The following PPP6R2 variants were observed in gnomAD, a reference collection of about 807,000 sequenced individuals.
PPP6R2 encodes protein phosphatase 6 regulatory subunit 2.
In PPP6R2, 62 loss-of-function variants were observed where a neutral mutation model predicts 100.2. The ratio of observed to expected loss-of-function variants is 0.62; its 90% CI spans 0.50 to 0.76. The LOEUF is 0.76. PPP6R2 is among the 30% of genes least tolerant of loss of function. The pLI, the probability that PPP6R2 is intolerant of heterozygous loss-of-function variation, is 0.00. For missense variants in PPP6R2, 1,142 were observed against 1,276.3 expected (o/e 0.89, Z 1.60); for synonymous variants, 525 against 514.7 (o/e 1.02, Z -0.27).
upstream of PPP6R2, among the ~76,000 whole-genome samples, chr22:50,341,472 G>C (rs1023103674): frequency 2.0e-5 from 3 of 152,126 alleles, no homozygotes; most frequent in Non-Finnish European, 4.4e-5. Context: ...CTGAAGTGCT[G>C]GGATTACAGG....
chr22:50,347,123 G>T (rs576969517), intron 1 of PPP6R2, among the ~76,000 whole-genome samples: 1 of 151,572 alleles, frequency 6.6e-6, no homozygotes, highest in African/African-American at 2.4e-5. Flanking sequence ...CTTTGCTATC[G>T]GCCTCTGTGT....
chr22:50,418,979 C>T lies in PPP6R2; in HGVS notation c.731C>T (p.Ser244Leu), dbSNP rs140651411. Residue 244 changes from serine to leucine, a missense_variant and splice_region_variant, in exon 7 of 24, where the codon TCG (serine) becomes TTG (leucine). Around this residue, in one of 2 missense-constraint regions of PPP6R2, gnomAD observed 592 missense variants for 758.9 expected, o/e 0.78. Transcript: ENST00000612753. ...GACCCGCTCCTCACAGCGCTGGAGT[C>T]GTGAGTGCTGGTGGGCCGTGGTGCT... is the stretch of plus-strand genomic sequence containing the variant. ...EPDPLLTALESQDCVEQLLKN... is the reference protein window; with the variant it reads ...EPDPLLTALELQDCVEQLLKN... 6.2e-7 allele frequency: 1 copy of T among 1,610,728 alleles called. No individual in the cohort carries two copies. The highest frequency in any genetic ancestry group is 8.5e-7 in the Non-Finnish European group (1 of 1,176,980).
chr22:50,412,349 G>A (rs1056651719), intron 4 of PPP6R2, among the ~76,000 whole-genome samples: 2 of 151,224 alleles, frequency 1.3e-5, no homozygotes, highest in African/African-American at 4.9e-5. Flanking sequence ...CCACCACCAC[G>A]TCTTGCTAAT....
chr22:50,333,813 C>G, the PPP6R2 span, among the ~76,000 whole-genome samples: 6 of 152,140 alleles, frequency 3.9e-5, no homozygotes, highest in East Asian at 1.2e-3. Context: ...ACATGGAGAC[C>G]GGTAGTGGCC....
intron 6 of PPP6R2, among the ~76,000 whole-genome samples, chr22:50,417,496 G>A (rs1261771228): frequency 6.6e-6 from 1 of 152,142 alleles, no homozygotes; most frequent in African/African-American, 2.4e-5. Flanking sequence ...ATCCCAGTAG[G>A]CCTTTTCCTA....
intron 3 of PPP6R2, among the ~76,000 whole-genome samples, chr22:50,402,016 C>T (rs963797819): frequency 2.0e-5 from 3 of 152,176 alleles, no homozygotes; most frequent in Non-Finnish European, 4.4e-5. Context: ...GATACACAGT[C>T]TTAATGTGTC....
intron 2 of PPP6R2, among the ~76,000 whole-genome samples, chr22:50,379,284 C>T (rs1397073697): frequency 2.0e-5 from 3 of 151,982 alleles, no homozygotes; most frequent in Admixed American, 2.0e-4. Flanking sequence ...TTGCTTGAGT[C>T]CAGAAGCTTG....
In PPP6R2 at chr22:50,370,509, G is replaced by A. The variant is rs187467394; in HGVS notation, c.-147-1511G>A. ...TCACTATGTTGGCCAGACTGGTCTC[G>A]AATGCCTGACCTCGTGATCCACCCG... is the stretch of plus-strand genomic sequence containing the variant. On this transcript the variant is annotated intron_variant, in intron 1 of 23. Coordinates refer to ENST00000612753, the MANE Select transcript of PPP6R2 (RefSeq NM_001242898.2). 7.3e-3 allele frequency among the ~76,000 whole-genome samples: 1,103 copies of A among 151,840 alleles called. 5 individuals carry two copies. The highest frequency in any genetic ancestry group is 0.011 in the Non-Finnish European group (728 of 67,928).
chr22:50,347,007 TGTCAGTGCCCCCC>T lies in PPP6R2; in HGVS notation c.-148+3458_-148+3470del, dbSNP rs1324487341. 4.7e-5 allele frequency among the ~76,000 whole-genome samples: 7 copies of T among 150,140 alleles called. No homozygotes were observed. In the East Asian group the frequency reaches 1.4e-3, roughly 30 times the overall value. ...GTCCCCACCTGTCATTGATCTTCTC[TGTCAGTGCCCCCC>T]ATCAGTGCCAGTGCCTCTGTCAGTG... On this transcript the variant is annotated intron_variant, in intron 1 of 23. Transcript: ENST00000612753.
intron 15 of PPP6R2, 89 bp downstream of exon 15, chr22:50,437,157 A>G (rs2064501263): frequency 7.8e-7 from 1 of 1,278,018 alleles, no homozygotes; most frequent in African/African-American, 1.5e-5. Flanking sequence ...GTCTGATGGC[A>G]TCTCACTAGC....
chr22:50,369,887 A>T (rs1047049943), intron 1 of PPP6R2, among the ~76,000 whole-genome samples: 4 of 145,424 alleles, frequency 2.8e-5, no homozygotes, highest in Admixed American at 1.4e-4. Flanking sequence ...GGTGTGTGCC[A>T]CCACACCCAG....
rs1385608587 is a variant in PPP6R2, at chr22:50,431,070, G to A, written c.1126-103G>A. The A allele has an allele frequency of 2.4e-5, 22 of 902,974 alleles. No homozygotes were observed. The Admixed American group carries it at 3.2e-4, about 13-fold the overall frequency. The allele number at this position is 902,974 out of a possible 1,614,324, so 55.9% of individuals were successfully genotyped here. On this transcript the variant is annotated intron_variant, in intron 10 of 23. Coordinates refer to ENST00000612753, the MANE Select transcript of PPP6R2 (RefSeq NM_001242898.2). This position sits in a 1 kb window ranked among gnomAD's most constrained non-coding sequence, Gnocchi z 4.8. The stretch of plus-strand genomic sequence containing the variant: ...AGCTACCCAGAGACTGGACTTGTGA[G>A]GAGTTAGGACGCCACCTTTAGGAAG...
In PPP6R2 at chr22:50,444,368, T is replaced by C. The variant is rs1050315679; in HGVS notation, c.*121T>C. ...TTTAATTTTAAAATAAATGCTGCAT[T>C]GGTAAAGCTGGCAGTTGAAACCAGT... is the stretch of plus-strand genomic sequence containing the variant. On this transcript the variant is annotated 3_prime_UTR_variant, in exon 24 of 24. Transcript: ENST00000612753. 28 of 1,288,680 alleles carry C rather than the reference T, an allele frequency of 2.2e-5. No individual in the cohort carries two copies. The African/African-American group carries it at 3.9e-4, about 18-fold the overall frequency. 79.8% of individuals were successfully genotyped at this position (1,288,680 alleles called of 1,614,324 possible). A position where few individuals can be genotyped will look rare whatever the true frequency, so the allele number is the denominator to read the frequency against.
rs115323460 is a variant in PPP6R2, at chr22:50,348,732, T to G, written c.-148+5182T>G. ...CCAAGCCGCAGGTATACAACTGTCA[T>G]CATGGGGGCAAGGTATAAAGCCTTG... On this transcript the variant is annotated intron_variant, in intron 1 of 23. Transcript: ENST00000612753. Among the ~76,000 whole-genome samples the G allele has an allele frequency of 8.7e-3, 1,329 of 152,190 alleles. 26 individuals are homozygous for G. Among genetic ancestry groups the G allele is most frequent in the African/African-American group, 0.03 (1,259 of 41,512 alleles).
chr22:50,424,705 T>C (rs11091016), intron 10 of PPP6R2, among the ~76,000 whole-genome samples: 55,439 of 148,138 alleles, frequency 0.37, 10,799 homozygotes, highest in East Asian at 0.67. Flanking sequence ...TGGCGGGACC[T>C]TGGCTCACTG....
intron 2 of PPP6R2, among the ~76,000 whole-genome samples, chr22:50,384,572 G>T (rs189268178): frequency 2.6e-5 from 4 of 152,162 alleles, no homozygotes; most frequent in Admixed American, 6.5e-5. Context: ...GAAAAGAAAA[G>T]AAATTTATTT....
At chr22:50,338,087 AGTGTGTGTG>A in the PPP6R2 span, among the ~76,000 whole-genome samples, 7 of 65,874 alleles carry the variant, frequency 1.1e-4, no homozygotes, top group South Asian at 3.5e-3. Context: ...TGTGATGTGT[AGTGTGTGTG>A]GTGTGTGGTA....
chr22:50,347,253 T>C (rs1601977433), intron 1 of PPP6R2, among the ~76,000 whole-genome samples: 1 of 152,036 alleles, frequency 6.6e-6, no homozygotes, highest in African/African-American at 2.4e-5. Flanking sequence ...CTGCTGTTAG[T>C]GACCCCACCT....
At chr22:50,407,051 G>T (rs1457578210) in intron 4 of PPP6R2, among the ~76,000 whole-genome samples, 176 bp downstream of exon 4, 6 of 152,112 alleles carry the variant, frequency 3.9e-5, no homozygotes. Flanking sequence ...GCTGGAATTT[G>T]AAAGAGTGTT....
Sources: allele counts gnomAD v4.1 joint callset (sites outside exome capture counted in the v4.1 genomes callset), GRCh38; gene constraint gnomAD v4.1.1; regional missense constraint gnomAD v4.1.1; non-coding constraint Gnocchi (gnomAD v3.1); transcripts MANE v1.5; gene names NCBI Gene and HGNC (gene_info 2026-07-23, HGNC 2026-07-21).